The following ACTN1 variants were observed in gnomAD, a reference collection of about 807,000 sequenced individuals.
The protein encoded by ACTN1 is alpha-actinin-1.
A neutral mutation model predicts 119.6 loss-of-function variants in ACTN1; 30 were observed. The observed-to-expected ratio is 0.25, with a 90% CI of 0.19 to 0.34. ACTN1 has a LOEUF of 0.34. Among genes scored for constraint, ACTN1 ranks in the 10% least tolerant of loss-of-function variants. The probability of loss-of-function intolerance (pLI) is 1.00; values close to 1 mark genes in which losing one functional copy is unlikely to be tolerated. For missense variants in ACTN1, 764 were observed against 1,223.4 expected, an observed-to-expected ratio of 0.62 and a Z score of 5.60; for synonymous variants, 429 against 472.6, an observed-to-expected ratio of 0.91 and a Z score of 1.20.
At position 68,936,801 on chromosome 14, in the gene ACTN1, G is replaced by A. The variant is rs545689963; in HGVS notation, c.106-11129C>T. 4.5e-4 allele frequency: 275 copies of A among 607,218 alleles called. 1 individual carries two copies. Among genetic ancestry groups the A allele is most frequent in the Non-Finnish European group, 7.1e-4 (221 of 309,260 alleles). The allele number at this position is 607,218 out of a possible 1,614,324, so 37.6% of individuals were successfully genotyped here. A position where few individuals can be genotyped will look rare whatever the true frequency, so the allele number is the denominator to read the frequency against. ...GGAATGGCTGAAGGACACTTGTGGTGCCAACGCCAAGCAATCCCAGAACTG... is the reference window on the plus strand; with the variant it reads ...GGAATGGCTGAAGGACACTTGTGGTACCAACGCCAAGCAATCCCAGAACTG... On this transcript the variant is annotated intron_variant, in intron 1 of 21. Coordinates refer to ENST00000394419, the MANE Select transcript of ACTN1 (RefSeq NM_001130004.2).
chr14:68,926,505 A>G (rs918221182), intron 1 of ACTN1, among the ~76,000 whole-genome samples: 2 of 152,240 alleles, frequency 1.3e-5, no homozygotes, highest in African/African-American at 4.8e-5. Flanking sequence ...GTCTCTCTCC[A>G]GCTGTCTCCA....
At position 68,901,922 on chromosome 14, in the gene ACTN1, C is replaced by T. The variant is rs568551221; in HGVS notation, c.762+555G>A. 1.6e-3 allele frequency among the ~76,000 whole-genome samples: 251 copies of T among 152,310 alleles called. 2 individuals carry two copies. The highest frequency in any genetic ancestry group is 1.6e-3 in the Non-Finnish European group (110 of 68,040). On this transcript the variant is annotated intron_variant, in intron 8 of 21. Transcript: ENST00000394419. ...CTGAGAACACAGAGTGCAGCATGGC[C>T]GCATGGGAGTCCCAGGCAGGATACA...
At position 68,874,754 on chromosome 14, in the gene ACTN1, G is replaced by A. The variant is rs1169106842; in HGVS notation, c.*105C>T. The A allele has an allele frequency of 5.0e-6, 6 of 1,208,148 alleles. No individual in the cohort carries two copies. The highest frequency in any genetic ancestry group is 2.8e-5 in the Admixed American group (1 of 36,214). The allele number at this position is 1,208,148 out of a possible 1,614,324, so 74.8% of individuals were successfully genotyped here. Reference sequence around the variant, plus strand: ...ATGCCACGTGGGCCCCAGCTCACCCGGGTGGAGGCTGGGAGCTGAAACCGA... The same window carrying A: ...ATGCCACGTGGGCCCCAGCTCACCCAGGTGGAGGCTGGGAGCTGAAACCGA... On this transcript the variant is annotated 3_prime_UTR_variant, in exon 22 of 22. Coordinates refer to ENST00000394419, the MANE Select transcript of ACTN1 (RefSeq NM_001130004.2).
intron 2 of ACTN1, among the ~76,000 whole-genome samples, chr14:68,924,177 T>C (rs985811219): frequency 6.6e-6 from 1 of 152,226 alleles, no homozygotes. Flanking sequence ...TGAAGAGCCC[T>C]GAAGGTGGAC....
At chr14:68,956,767 A>G (rs1307333606) in intron 1 of ACTN1, among the ~76,000 whole-genome samples, 3 of 152,204 alleles carry the variant, frequency 2.0e-5, no homozygotes, top group East Asian at 3.9e-4. Context: ...CACAGACCAA[A>G]GCACAAGTCA....
rs1302948873 is a variant in ACTN1 at position 68,909,500 on chromosome 14, T to C, written c.516-104A>G. ...CCTAGACACCAGAGAGATGAACACA[T>C]AGAGCTTTCTGGGGTAGGAGTTAGA... On this transcript the variant is annotated intron_variant, in intron 5 of 21. Transcript: ENST00000394419. The surrounding 1 kb of genome is among the most constrained non-coding windows in gnomAD (Gnocchi z 4.1). 5 of 1,011,796 alleles carry C rather than the reference T, an allele frequency of 4.9e-6. No individual in the cohort carries two copies. The highest frequency in any genetic ancestry group is 3.2e-5 in the African/African-American group (2 of 62,384). 62.7% of individuals were successfully genotyped at this position (1,011,796 alleles called of 1,614,324 possible).
intron 1 of ACTN1, chr14:68,978,255 C>T (rs1180584837): frequency 2.2e-6 from 1 of 455,632 alleles, no homozygotes; most frequent in Admixed American, 2.4e-5. Context: ...TAGCGCAAGC[C>T]CATGTCGGGG....
intron 1 of ACTN1, among the ~76,000 whole-genome samples, chr14:68,935,099 T>G (rs1018412286): frequency 1.3e-5 from 2 of 152,234 alleles, no homozygotes; most frequent in Non-Finnish European, 2.9e-5. Context: ...CTCCGCTCAC[T>G]GCAACCTCCA....
intron 14 of ACTN1, among the ~76,000 whole-genome samples, chr14:68,883,708 T>C (rs531842319): frequency 6.6e-6 from 1 of 152,114 alleles, no homozygotes; most frequent in East Asian, 1.9e-4. Flanking sequence ...AGCCCAGGAG[T>C]TGGAGGCTGT....
At chr14:68,922,236 C>T (rs1047946548) in intron 2 of ACTN1, among the ~76,000 whole-genome samples, 50 of 152,218 alleles carry the variant, frequency 3.3e-4, no homozygotes, top group South Asian at 2.1e-4. Context: ...GGACCAGCCA[C>T]GGGGATTCTG....
In ACTN1 at chr14:68,885,923, A is replaced by C; in HGVS notation, c.1235-348T>G. On this transcript the variant is annotated intron_variant, in intron 11 of 21. Coordinates refer to ENST00000394419, the MANE Select transcript of ACTN1 (RefSeq NM_001130004.2). This position sits in a 1 kb window ranked among gnomAD's most constrained non-coding sequence, Gnocchi z 5.6. ...GTATAACCAGGAAAAAAACAACCCAAGCACCTCAGGAGTACCCTGCCTTTA... is the reference window on the plus strand; with the variant it reads ...GTATAACCAGGAAAAAAACAACCCACGCACCTCAGGAGTACCCTGCCTTTA... The C allele has an allele frequency of 4.8e-6, 1 of 209,808 alleles. No individual in the cohort carries two copies. The highest frequency in any genetic ancestry group is 9.9e-6 in the Non-Finnish European group (1 of 101,208). The allele number at this position is 209,808 out of a possible 1,614,324, so 13.0% of individuals were successfully genotyped here.
In ACTN1 at chr14:68,890,181, T is replaced by C; in HGVS notation, c.1192A>G (p.Lys398Glu). The change falls in exon 11 of 22, where the codon AAG becomes GAG. Residue 398 changes from lysine (K) to glutamate (E), a missense_variant. Physicochemically the swap from Lys to Glu is moderately conservative, Grantham distance 56. Around this residue, in one of 4 missense-constraint regions of ACTN1, gnomAD observed 544 missense variants for 912.0 expected, o/e 0.60. Transcript: ENST00000394419. ...RLERLDHLAE[K>E]FRQKASIHEA... is the part of the protein sequence containing the mutation. The stretch of plus-strand genomic sequence containing the variant: ...TGGATGGAGGCCTTCTGCCGGAACT[T>C]CTCTGCCAGGTGGTCCAGTCGCTCC... 1 of 1,614,132 alleles carries C rather than the reference T, an allele frequency of 6.2e-7. No homozygotes were observed.
At chr14:68,907,548 T>G (rs554807521) in intron 6 of ACTN1, among the ~76,000 whole-genome samples, 3 of 151,948 alleles carry the variant, frequency 2.0e-5, no homozygotes, top group African/African-American at 7.2e-5. Context: ...TGGGCAACAA[T>G]AGTGAAACTC....
intron 1 of ACTN1, 66 bp downstream of exon 1, chr14:68,978,886 A>T: frequency 8.7e-6 from 8 of 917,840 alleles, no homozygotes; most frequent in Middle Eastern, 4.0e-4. Flanking sequence ...AGAGCCCGGC[A>T]GGCAGAGCGG....
rs200148368 is a variant in ACTN1, at chr14:68,879,943, C to T, written c.2280+19G>A. 5.0e-6 allele frequency: 8 copies of T among 1,612,774 alleles called. No individual in the cohort carries two copies. The highest frequency in any genetic ancestry group is 6.8e-6 in the Non-Finnish European group (8 of 1,178,982). On this transcript the variant is annotated intron_variant, in intron 18 of 21. Coordinates refer to ENST00000394419, the MANE Select transcript of ACTN1 (RefSeq NM_001130004.2). The surrounding 1 kb of genome is among the most constrained non-coding windows in gnomAD (Gnocchi z 4.9). ...GGGGTTGGGGGCTGCACTAAGAAAGCACAGGATGGGGCTCTCACCCGGTCA... is the reference window on the plus strand; with the variant it reads ...GGGGTTGGGGGCTGCACTAAGAAAGTACAGGATGGGGCTCTCACCCGGTCA...
chr14:68,949,471 G>T (rs1286449133), intron 1 of ACTN1, among the ~76,000 whole-genome samples: 2 of 152,210 alleles, frequency 1.3e-5, no homozygotes, highest in African/African-American at 4.8e-5. Flanking sequence ...TACTGTGGCA[G>T]GCCTGGCGCT....
In ACTN1 at chr14:68,979,014, G is replaced by C; in HGVS notation, c.43C>G (p.Pro15Ala). 6.2e-7 allele frequency: 1 copy of C among 1,604,564 alleles called. No individual in the cohort carries two copies. The highest frequency in any genetic ancestry group is 8.5e-7 in the Non-Finnish European group (1 of 1,175,208). Residue 15 changes from proline to alanine, a missense_variant, in exon 1 of 22, where the codon CCA becomes GCA. Coordinates refer to ENST00000394419, the MANE Select transcript of ACTN1 (RefSeq NM_001130004.2). ...AGGTCCCGGTCCCAGTCCTCTTCTG[G>C]CTGCATGTAATCGTTGGTTTGCTGA... ...DSQQTNDYMQ[P>A]EEDWDRDLLL...
intron 1 of ACTN1, among the ~76,000 whole-genome samples, chr14:68,969,645 G>A (rs944240998): frequency 1.3e-5 from 2 of 152,142 alleles, no homozygotes; most frequent in Non-Finnish European, 2.9e-5. Context: ...TCACAGACCC[G>A]ACAGACACAA....
At chr14:68,883,104 G>C (rs766524550) in intron 14 of ACTN1, 49 bp from the exon 15 acceptor site, 19 of 1,577,510 alleles carry the variant, frequency 1.2e-5, no homozygotes, top group Non-Finnish European at 1.5e-5. Context: ...GGGAGCGCTA[G>C]AAGTGAGTGG....
Sources: allele counts gnomAD v4.1 joint callset (sites outside exome capture counted in the v4.1 genomes callset), GRCh38; gene constraint gnomAD v4.1.1; regional missense constraint gnomAD v4.1.1; non-coding constraint Gnocchi (gnomAD v3.1); transcripts MANE v1.5; gene names NCBI Gene and HGNC (gene_info 2026-07-23, HGNC 2026-07-21).